CNTN5: variants seen among roughly 807,000 people sequenced by gnomAD.
CNTN5 encodes contactin-5.
In CNTN5, 77 loss-of-function variants were observed where a neutral mutation model predicts 129.1. The observed-to-expected ratio is 0.60, with a 90% CI of 0.50 to 0.72. CNTN5 has a LOEUF of 0.72. Ranked by LOEUF, CNTN5 falls within the 30% of genes least tolerant of loss-of-function variation. The probability of loss-of-function intolerance (pLI) is 0.00; values close to 1 mark genes in which losing one functional copy is unlikely to be tolerated. For missense variants in CNTN5, 1,478 were observed against 1,328.8 expected, an observed-to-expected ratio of 1.11 and a Z score of -1.75; for synonymous variants, 509 against 465.6, an observed-to-expected ratio of 1.09 and a Z score of -1.20.
chr11:99,217,601 T>A (rs936801236), intron 1 of CNTN5, among the ~76,000 whole-genome samples: 4 of 152,180 alleles, frequency 2.6e-5, no homozygotes, highest in Admixed American at 2.6e-4. Flanking sequence ...AGGTCTGAGT[T>A]AGACAAGTCT....
At chr11:99,480,044 C>G (rs1945531456) in intron 2 of CNTN5, among the ~76,000 whole-genome samples, 1 of 152,050 alleles carries the variant, frequency 6.6e-6, no homozygotes, top group Admixed American at 6.6e-5. Flanking sequence ...ATATAGATAA[C>G]AGATGGCATT....
intron 2 of CNTN5, among the ~76,000 whole-genome samples, chr11:99,362,466 C>T (rs561065199): frequency 6.6e-6 from 1 of 151,956 alleles, no homozygotes; most frequent in South Asian, 2.1e-4. Context: ...CTTTGATGCA[C>T]AGAAGTTTTT....
At chr11:99,198,289 C>A (rs1437095583) in intron 1 of CNTN5, among the ~76,000 whole-genome samples, 1 of 152,064 alleles carries the variant, frequency 6.6e-6, no homozygotes, top group African/African-American at 2.4e-5. Context: ...GGGAAGCAAC[C>A]TTGTTGGGTT....
intron 6 of CNTN5, among the ~76,000 whole-genome samples, chr11:99,871,016 C>A (rs1045234040): frequency 5.9e-5 from 9 of 152,030 alleles, no homozygotes; most frequent in Admixed American, 5.2e-4. Flanking sequence ...AACATGGGAA[C>A]ACTGGGTAAA....
intron 2 of CNTN5, among the ~76,000 whole-genome samples, chr11:99,456,791 A>G (rs1273878122): frequency 1.3e-5 from 2 of 152,146 alleles, no homozygotes; most frequent in African/African-American, 2.4e-5. Flanking sequence ...ATTAATATAT[A>G]GCAATATCAC....
chr11:99,285,571 G>A (rs949616551), intron 1 of CNTN5, among the ~76,000 whole-genome samples: 1 of 150,410 alleles, frequency 6.6e-6, no homozygotes, highest in Non-Finnish European at 1.5e-5. Flanking sequence ...GATACAAGGA[G>A]GAGAAGAACA....
chr11:99,722,202 T>C (rs953708153), intron 3 of CNTN5, among the ~76,000 whole-genome samples: 5 of 152,192 alleles, frequency 3.3e-5, no homozygotes, highest in Admixed American at 6.5e-5. Context: ...TGCAGTATTA[T>C]TGAAAGTAGC....
rs1861956020 is a variant in CNTN5 at position 99,248,906 on chromosome 11, C to T, written c.-209-76440C>T. 3.9e-5 allele frequency among the ~76,000 whole-genome samples: 6 copies of T among 152,106 alleles called. 1 individual carries two copies. In the South Asian group the frequency reaches 1.2e-3, roughly 32 times the overall value. ...TTTGAAGTCAGGTAGCGTGATGCCT[C>T]CAGCTTTGTTCTTTTGACTTAGGAT... On this transcript the variant is annotated intron_variant, in intron 1 of 24. Transcript: ENST00000524871.
intron 2 of CNTN5, among the ~76,000 whole-genome samples, chr11:99,326,553 C>T (rs11219396): frequency 4.6e-4 from 70 of 152,206 alleles, no homozygotes; most frequent in East Asian, 2.5e-3. Context: ...AGTTTTACCA[C>T]GATATGTGAT....
intron 19 of CNTN5, 29 bp from the exon 20 acceptor site, chr11:100,299,132 CT>C: frequency 7.4e-7 from 1 of 1,346,882 alleles, no homozygotes; most frequent in South Asian, 1.4e-5. Flanking sequence ...AATCATTTTG[CT>C]GATAATTAAT....
At position 99,046,814 on chromosome 11, in the gene CNTN5, C is replaced by T. The variant is rs760383004; in HGVS notation, c.-210+25544C>T. On this transcript the variant is annotated intron_variant, in intron 1 of 24. Coordinates refer to ENST00000524871, the MANE Select transcript of CNTN5 (RefSeq NM_014361.4). ...ATACTCAAACATCTTACTAATAATG[C>T]AATAAATATAACTTGCCCATTGCTA... Among the ~76,000 whole-genome samples the T allele has an allele frequency of 3.1e-4, 47 of 151,978 alleles. 1 individual carries two copies. The highest frequency in any genetic ancestry group is 7.4e-5 in the Non-Finnish European group (5 of 67,954).
chr11:100,215,611 C>G (rs970921670), intron 15 of CNTN5, among the ~76,000 whole-genome samples: 3 of 151,982 alleles, frequency 2.0e-5, no homozygotes, highest in Admixed American at 2.0e-4. Context: ...ATTTTAAATA[C>G]CCCATAATGC....
At chr11:99,672,084 T>A (rs1228700189) in intron 3 of CNTN5, among the ~76,000 whole-genome samples, 2 of 152,196 alleles carry the variant, frequency 1.3e-5, no homozygotes, top group Non-Finnish European at 2.9e-5. Flanking sequence ...GTCACTTTTT[T>A]CTTATCTAAC....
intron 1 of CNTN5, among the ~76,000 whole-genome samples, chr11:99,184,623 A>T (rs1431062694): frequency 6.6e-6 from 1 of 152,112 alleles, no homozygotes; most frequent in Non-Finnish European, 1.5e-5. Context: ...CTTACTTAAT[A>T]AGTGTCATAT....
At chr11:99,578,905 A>T (rs983895340) in intron 3 of CNTN5, among the ~76,000 whole-genome samples, 4 of 152,126 alleles carry the variant, frequency 2.6e-5, no homozygotes, top group Non-Finnish European at 5.9e-5. Context: ...GTCCTTGCCC[A>T]TGCCTATGTC....
chr11:99,588,061 C>T (rs1158772351), intron 3 of CNTN5, among the ~76,000 whole-genome samples: 2 of 151,938 alleles, frequency 1.3e-5, no homozygotes, highest in East Asian at 1.9e-4. Context: ...TTAAGACCAC[C>T]GGCCGGGCGC....
intron 3 of CNTN5, among the ~76,000 whole-genome samples, chr11:99,682,625 T>C (rs774603200): frequency 2.0e-5 from 3 of 151,986 alleles, no homozygotes; most frequent in Non-Finnish European, 4.4e-5. Flanking sequence ...ACATCCGTTC[T>C]GTGTAATAGG....
chr11:99,883,597 TAAACA>T (rs997269195), intron 6 of CNTN5, among the ~76,000 whole-genome samples: 12 of 152,240 alleles, frequency 7.9e-5, no homozygotes, highest in Admixed American at 5.9e-4. Flanking sequence ...GAGTCCCTAT[TAAACA>T]AAACAAAACA....
chr11:100,321,062 A>G (rs1369968973), intron 21 of CNTN5, among the ~76,000 whole-genome samples: 4 of 152,054 alleles, frequency 2.6e-5, no homozygotes, highest in Non-Finnish European at 5.9e-5. Context: ...TTCTCTATGA[A>G]TTTTATGATT....
Sources: allele counts gnomAD v4.1 joint callset (sites outside exome capture counted in the v4.1 genomes callset), GRCh38; gene constraint gnomAD v4.1.1; transcripts MANE v1.5; gene names NCBI Gene and HGNC (gene_info 2026-07-23, HGNC 2026-07-21).